Variants in SLC26A5 observed in about 807,000 individuals in gnomAD.
SLC26A5 encodes prestin.
A neutral mutation model predicts 81.0 loss-of-function variants in SLC26A5; 51 were observed. The observed-to-expected ratio is 0.63, with a 90% CI of 0.50 to 0.80. SLC26A5 has a LOEUF of 0.80. Among genes scored for constraint, SLC26A5 ranks in the 30% least tolerant of loss-of-function variants. The pLI is 0.00. For synonymous variants in SLC26A5, 325 were observed against 332.8 expected (o/e 0.98, Z 0.25); for missense variants, 771 against 905.8 (o/e 0.85, Z 1.91).
chr7:103,444,104 A>C (rs1827090156), intron 1 of SLC26A5, among the ~76,000 whole-genome samples: 1 of 152,202 alleles, frequency 6.6e-6, no homozygotes, highest in South Asian at 2.1e-4. Flanking sequence ...ACTAGTCTTC[A>C]AAAGAAGGAT....
chr7:103,440,603 C>G (rs1231642469), intron 2 of SLC26A5, among the ~76,000 whole-genome samples: 1 of 152,130 alleles, frequency 6.6e-6, no homozygotes, highest in African/African-American at 2.4e-5. Flanking sequence ...AATAACAAAA[C>G]AGCAAGTGCC....
At chr7:103,434,643 T>TTTTATTTA (rs66948143) in intron 2 of SLC26A5, among the ~76,000 whole-genome samples, 2 of 150,666 alleles carry the variant, frequency 1.3e-5, no homozygotes, top group Non-Finnish European at 2.9e-5. Flanking sequence ...AAGAGATTAT[T>TTTTATTTA]TTTATTTATT....
At chr7:103,380,581 T>C (rs375669178) in intron 14 of SLC26A5, 32 bp from the exon 15 acceptor site, 13 of 1,587,832 alleles carry the variant, frequency 8.2e-6, no homozygotes, top group African/African-American at 2.7e-5. Flanking sequence ...TACCATTGTG[T>C]TGAGGCACAG....
intron 19 of SLC26A5, chr7:103,362,093 G>A (rs777000871): frequency 6.2e-7 from 1 of 1,612,262 alleles, no homozygotes. Context: ...AGTGGGGTAA[G>A]ATTTCTATTT....
At chr7:103,421,256 T>A in intron 3 of SLC26A5, 107 bp downstream of exon 3, 1 of 1,261,580 alleles carries the variant, frequency 7.9e-7, no homozygotes, top group Non-Finnish European at 1.1e-6. Flanking sequence ...TGGCTCAGCA[T>A]TCATTTTTCT....
At chr7:103,384,436 C>A (rs559773604) in intron 14 of SLC26A5, among the ~76,000 whole-genome samples, 4 of 152,050 alleles carry the variant, frequency 2.6e-5, no homozygotes, top group South Asian at 4.2e-4. Context: ...GATGGTGAAA[C>A]CCCATCTCTA....
downstream of SLC26A5, among the ~76,000 whole-genome samples, chr7:103,371,398 C>T (rs1821027081): frequency 6.6e-6 from 1 of 150,818 alleles, no homozygotes; most frequent in Non-Finnish European, 1.5e-5. Flanking sequence ...GATCTCGGCT[C>T]ACTGCAAGCT....
chr7:103,421,316 C>T (rs1203271216), intron 3 of SLC26A5, 47 bp downstream of exon 3: 6 of 1,607,478 alleles, frequency 3.7e-6, no homozygotes, highest in South Asian at 2.2e-5. Flanking sequence ...TTGCGCCTCT[C>T]ATAACTGAAT....
intron 19 of SLC26A5, chr7:103,366,228 T>G (rs2116265104): frequency 1.5e-6 from 2 of 1,368,956 alleles, no homozygotes; most frequent in East Asian, 2.3e-5. Flanking sequence ...AAGTGATATG[T>G]CGTGATATGT....
At chr7:103,401,032 T>C (rs113022741) in intron 8 of SLC26A5, among the ~76,000 whole-genome samples, 3,578 of 152,334 alleles carry the variant, frequency 0.023, 129 homozygotes, top group African/African-American at 0.081. Flanking sequence ...TAGGATTGTC[T>C]TGGCTATGCG....
intron 19 of SLC26A5, chr7:103,362,413 C>T: frequency 7.4e-7 from 1 of 1,345,992 alleles, no homozygotes; most frequent in Non-Finnish European, 9.5e-7. Context: ...GTGTTAATGT[C>T]TATAGAATAC....
intron 9 of SLC26A5, among the ~76,000 whole-genome samples, chr7:103,396,246 A>C (rs138230102): frequency 2.8e-4 from 43 of 152,354 alleles, no homozygotes; most frequent in African/African-American, 9.4e-4. Context: ...GGGACTGTAA[A>C]ATGGCATAAC....
intron 8 of SLC26A5, among the ~76,000 whole-genome samples, chr7:103,402,561 G>A (rs1310619545): frequency 6.6e-6 from 1 of 151,758 alleles, no homozygotes; most frequent in Non-Finnish European, 1.5e-5. Flanking sequence ...CACCATGTCT[G>A]GCTAATTTTT....
chr7:103,391,003 C>T (rs371670364), intron 11 of SLC26A5, among the ~76,000 whole-genome samples: 1 of 151,936 alleles, frequency 6.6e-6, no homozygotes, highest in Admixed American at 6.6e-5. Context: ...GTAGCTGGGA[C>T]TACAGGCATC....
intron 19 of SLC26A5, among the ~76,000 whole-genome samples, chr7:103,375,901 A>G (rs1821321971): frequency 6.6e-6 from 1 of 151,878 alleles, no homozygotes; most frequent in South Asian, 2.1e-4. Context: ...GACTAAAGTC[A>G]TGCGCCACCA....
At chr7:103,362,786 G>T in intron 19 of SLC26A5, 4 of 1,370,498 alleles carry the variant, frequency 2.9e-6, no homozygotes, top group Non-Finnish European at 4.1e-6. Flanking sequence ...GGAAAAGGAA[G>T]GCTATGTCTT....
chr7:103,378,266 C>T (rs952258755), intron 17 of SLC26A5, among the ~76,000 whole-genome samples, 180 bp downstream of exon 17: 3 of 151,934 alleles, frequency 2.0e-5, no homozygotes, highest in African/African-American at 7.2e-5. Context: ...TTACTTTTTT[C>T]AGAAACAGCC....
intron 19 of SLC26A5, chr7:103,362,348 G>A: frequency 7.4e-7 from 1 of 1,356,448 alleles, no homozygotes; most frequent in South Asian, 1.7e-5. Context: ...TCCATTTAAG[G>A]TAACATGGTA....
chr7:103,407,289 C>T (rs1442280912), intron 8 of SLC26A5, among the ~76,000 whole-genome samples: 1 of 152,190 alleles, frequency 6.6e-6, no homozygotes, highest in African/African-American at 2.4e-5. Flanking sequence ...CAGGCATATG[C>T]ATTCCATGAT....
Sources: allele counts gnomAD v4.1 joint callset (sites outside exome capture counted in the v4.1 genomes callset), GRCh38; gene constraint gnomAD v4.1.1; transcripts MANE v1.5; gene names NCBI Gene and HGNC (gene_info 2026-07-23, HGNC 2026-07-21).